Variants in CACNB2 observed in about 807,000 individuals in gnomAD.
CACNB2 encodes the protein voltage-dependent L-type calcium channel subunit beta-2.
In CACNB2, 42 loss-of-function variants were observed where a neutral mutation model predicts 73.3. That is an observed-to-expected ratio of 0.57 (90% CI 0.45 to 0.74). The LOEUF is 0.74. Among genes scored for constraint, CACNB2 ranks in the 30% least tolerant of loss-of-function variants. The pLI is 0.00. For synonymous variants in CACNB2, 348 were observed against 310.3 expected, an observed-to-expected ratio of 1.12 and a Z score of -1.28; for missense variants, 940 against 853.0, an observed-to-expected ratio of 1.10 and a Z score of -1.27.
chr10:18,407,192 A>G (rs1320136400), intron 3 of CACNB2, among the ~76,000 whole-genome samples: 1 of 124,226 alleles, frequency 8.0e-6, no homozygotes, highest in East Asian at 2.5e-4. Flanking sequence ...GTGCCACCTC[A>G]GCTCAGTGCA....
intron 3 of CACNB2, among the ~76,000 whole-genome samples, chr10:18,432,640 C>A (rs2045944936): frequency 6.6e-6 from 1 of 152,142 alleles, no homozygotes; most frequent in Non-Finnish European, 1.5e-5. Context: ...TCCAGACCAG[C>A]CTGGGCAACA....
intron 2 of CACNB2, among the ~76,000 whole-genome samples, chr10:18,201,720 A>G (rs1487161488): frequency 6.6e-6 from 1 of 152,208 alleles, no homozygotes; most frequent in Non-Finnish European, 1.5e-5. Context: ...AGAATATTCA[A>G]TATCTCCTCT....
At position 18,538,238 on chromosome 10, in the gene CACNB2, C is replaced by A; in HGVS notation, c.1361C>A (p.Ala454Asp). ...NQLEDACEHLADYLEAYWKAT... is the reference protein window; with the variant it reads ...NQLEDACEHLDDYLEAYWKAT... ...CTTGAGGATGCCTGTGAGCACCTTGCCGACTATCTGGAGGCCTACTGGAAG... is the reference window on the plus strand; with the variant it reads ...CTTGAGGATGCCTGTGAGCACCTTGACGACTATCTGGAGGCCTACTGGAAG... The change falls in exon 13 of 14, where the codon GCC (alanine) becomes GAC (aspartate). Residue 454 changes from alanine (A) to aspartate (D), a missense_variant. Physicochemically the swap from Ala to Asp is moderately radical, Grantham distance 126. Transcript: ENST00000324631. The A allele has an allele frequency of 1.2e-6, 2 of 1,614,116 alleles. No individual in the cohort carries two copies. Among genetic ancestry groups the A allele is most frequent in the South Asian group, 2.2e-5 (2 of 91,082 alleles).
intron 5 of CACNB2, among the ~76,000 whole-genome samples, chr10:18,503,240 C>G (rs1297805910): frequency 1.3e-5 from 2 of 152,086 alleles, no homozygotes; most frequent in East Asian, 3.9e-4. Flanking sequence ...CCTTAATGTT[C>G]CATTGGCCTT....
chr10:18,452,273 A>G (rs1443987699), intron 3 of CACNB2, among the ~76,000 whole-genome samples: 1 of 152,110 alleles, frequency 6.6e-6, no homozygotes, highest in Non-Finnish European at 1.5e-5. Context: ...ATAGAAAAAA[A>G]ATTGAATGGG....
intron 2 of CACNB2, among the ~76,000 whole-genome samples, chr10:18,401,632 C>T (rs1401142153): frequency 6.6e-6 from 1 of 152,164 alleles, no homozygotes; most frequent in African/African-American, 2.4e-5. Context: ...TTCTGCACTG[C>T]ACCATCAAGC....
At chr10:18,470,944 A>T (rs1440038910) in intron 3 of CACNB2, among the ~76,000 whole-genome samples, 7 of 152,200 alleles carry the variant, frequency 4.6e-5, no homozygotes, top group Non-Finnish European at 8.8e-5. Context: ...CTGGTTCCCA[A>T]CAACAGTGTT....
intron 2 of CACNB2, among the ~76,000 whole-genome samples, chr10:18,193,789 G>A (rs1199431806): frequency 1.3e-5 from 2 of 152,158 alleles, no homozygotes; most frequent in South Asian, 4.1e-4. Flanking sequence ...AAATATGTAT[G>A]CATCCTGATT....
At chr10:18,481,257 TTTTTTTTG>T in intron 3 of CACNB2, among the ~76,000 whole-genome samples, 1 of 96,180 alleles carries the variant, frequency 1.0e-5, no homozygotes, top group African/African-American at 4.2e-5. Context: ...TTTTTTTTTT[TTTTTTTTG>T]AGACAGAGTC....
intron 3 of CACNB2, among the ~76,000 whole-genome samples, chr10:18,450,539 GCTT>G (rs2046967226): frequency 6.6e-6 from 1 of 152,036 alleles, no homozygotes; most frequent in Non-Finnish European, 1.5e-5. Flanking sequence ...CCTTCTCACT[GCTT>G]CTTCAGAAAA....
At chr10:18,231,935 T>C (rs1401221628) in intron 2 of CACNB2, among the ~76,000 whole-genome samples, 1 of 152,250 alleles carries the variant, frequency 6.6e-6, no homozygotes, top group South Asian at 2.1e-4. Flanking sequence ...ATAAAATCTG[T>C]ATAAATACAT....
intron 2 of CACNB2, among the ~76,000 whole-genome samples, chr10:18,187,174 G>T (rs1298431168): frequency 6.6e-6 from 1 of 152,160 alleles, no homozygotes; most frequent in East Asian, 1.9e-4. Flanking sequence ...CATCAAGATG[G>T]GTCAGGAGGA....
Position 18,237,906 on chromosome 10 carries a change from A to G in CACNB2, c.213+86931A>G, listed in dbSNP as rs188491546. Reference sequence around the variant, plus strand: ...ACAGGGGATCTTTTGCTATGCTAACAAGGCTGGACTTTGTTCACTGAGGGT... The same window carrying G: ...ACAGGGGATCTTTTGCTATGCTAACGAGGCTGGACTTTGTTCACTGAGGGT... On this transcript the variant is annotated intron_variant, in intron 2 of 13. Transcript: ENST00000324631. Among the ~76,000 whole-genome samples the G allele has an allele frequency of 5.1e-3, 782 of 152,318 alleles. 4 individuals carry two copies. The highest frequency in any genetic ancestry group is 6.6e-3 in the Non-Finnish European group (446 of 68,010).
chr10:18,390,574 G>T (rs566800585), intron 2 of CACNB2, among the ~76,000 whole-genome samples: 137 of 152,250 alleles, frequency 9.0e-4, no homozygotes, highest in African/African-American at 3.2e-3. Flanking sequence ...ATATTTATTT[G>T]TCCAGTTATT....
intron 2 of CACNB2, among the ~76,000 whole-genome samples, chr10:18,192,462 C>T (rs1456122930): frequency 2.0e-5 from 3 of 152,148 alleles, no homozygotes; most frequent in Non-Finnish European, 4.4e-5. Context: ...ATCCTCCTGC[C>T]TTAGCCTCAC....
intron 1 of CACNB2, 172 bp downstream of exon 1, chr10:18,141,028 CT>C: frequency 6.5e-7 from 1 of 1,540,510 alleles, no homozygotes. Context: ...CCCTTTGCGC[CT>C]TTTCCTGGCT....
At chr10:18,270,561 C>T (rs1007547816) in intron 2 of CACNB2, among the ~76,000 whole-genome samples, 1 of 152,158 alleles carries the variant, frequency 6.6e-6, no homozygotes, top group Non-Finnish European at 1.5e-5. Flanking sequence ...CTATGAGACA[C>T]TTCTTGATCA....
At chr10:18,439,844 G>A (rs943190058) in intron 3 of CACNB2, among the ~76,000 whole-genome samples, 2 of 152,078 alleles carry the variant, frequency 1.3e-5, no homozygotes, top group African/African-American at 2.4e-5. Context: ...CAGCCACCAG[G>A]AACAGAGTAA....
rs759428144 is a variant in CACNB2 at position 18,500,883 on chromosome 10, A to G, written c.528A>G (p.Pro176=). ...EGCEIGFIPS[P]VKLENMRLQH... is the part of the protein sequence containing the mutation. ...GTGAAATCGGATTCATTCCAAGCCC[A>G]GTCAAACTAGAAAACATGAGGCTGC... The change falls in exon 5 of 14, where the codon CCA becomes CCG. Residue 176 remains proline (P), a synonymous_variant. Transcript: ENST00000324631. The G allele has an allele frequency of 6.2e-7, 1 of 1,614,054 alleles. No individual in the cohort carries two copies. Among genetic ancestry groups the G allele is most frequent in the East Asian group, 2.2e-5 (1 of 44,874 alleles).
Sources: allele counts gnomAD v4.1 joint callset (sites outside exome capture counted in the v4.1 genomes callset), GRCh38; gene constraint gnomAD v4.1.1; transcripts MANE v1.5; gene names NCBI Gene and HGNC (gene_info 2026-07-23, HGNC 2026-07-21).